The following CNTN3 variants were observed in gnomAD, a reference collection of about 807,000 sequenced individuals.
CNTN3 encodes contactin-3.
A neutral mutation model predicts 119.1 loss-of-function variants in CNTN3; 60 were observed. That is an observed-to-expected ratio of 0.50 (90% CI 0.41 to 0.62). The LOEUF (loss-of-function observed/expected upper bound fraction) is 0.62. Ranked by LOEUF, CNTN3 falls within the 20% of genes least tolerant of loss-of-function variation. The probability of loss-of-function intolerance (pLI) is 0.00; values close to 1 mark genes in which losing one functional copy is unlikely to be tolerated. For synonymous variants in CNTN3, 450 were observed against 438.7 expected, an observed-to-expected ratio of 1.03 and a Z score of -0.32; for missense variants, 1,101 against 1,242.4, an observed-to-expected ratio of 0.89 and a Z score of 1.71.
intron 4 of CNTN3, among the ~76,000 whole-genome samples, chr3:74,444,557 A>G (rs1702018864): frequency 7.1e-6 from 1 of 140,776 alleles, no homozygotes; most frequent in Non-Finnish European, 1.6e-5. Context: ...GTCATGACAT[A>G]ATTTTTTTTT....
chr3:74,274,599 A>G (rs1701845388), intron 20 of CNTN3, among the ~76,000 whole-genome samples: 1 of 152,100 alleles, frequency 6.6e-6, no homozygotes, highest in African/African-American at 2.4e-5. Context: ...CCATAGGAAA[A>G]GGGGGAGAGT....
chr3:74,365,272 T>G (rs190638112), intron 9 of CNTN3, among the ~76,000 whole-genome samples: 1 of 152,216 alleles, frequency 6.6e-6, no homozygotes, highest in African/African-American at 2.4e-5. Flanking sequence ...TTGATTAAAG[T>G]AAGGCCTTCT....
intron 13 of CNTN3, among the ~76,000 whole-genome samples, chr3:74,329,346 A>G (rs1353196773): frequency 2.6e-5 from 4 of 152,174 alleles, no homozygotes; most frequent in African/African-American, 9.6e-5. Flanking sequence ...TTTTATCCAC[A>G]AACATTCTAA....
intron 1 of CNTN3, among the ~76,000 whole-genome samples, chr3:74,580,984 G>T (rs1704495834): frequency 6.6e-6 from 1 of 152,100 alleles, no homozygotes; most frequent in African/African-American, 2.4e-5. Context: ...CTCCCAAAGT[G>T]CTGCTGGGAT....
intron 20 of CNTN3, among the ~76,000 whole-genome samples, chr3:74,276,063 T>C (rs1297524468): frequency 1.3e-5 from 2 of 152,094 alleles, no homozygotes; most frequent in African/African-American, 2.4e-5. Context: ...CATTATATAA[T>C]GGTAAAAGGC....
At chr3:74,368,867 A>G (rs1193784968) in intron 8 of CNTN3, among the ~76,000 whole-genome samples, 3 of 151,934 alleles carry the variant, frequency 2.0e-5, no homozygotes, top group African/African-American at 7.2e-5. Flanking sequence ...TCTAGAGGAG[A>G]AGACAGACAG....
In CNTN3 at chr3:74,369,326, GA is replaced by G; in HGVS notation, c.808del (p.Ser270ProfsTer6). 1 of 1,608,742 alleles carries G rather than the reference GA, an allele frequency of 6.2e-7. No homozygotes were observed. Among genetic ancestry groups the G allele is most frequent in the Admixed American group, 1.7e-5 (1 of 59,180 alleles). On this transcript the variant is annotated frameshift_variant, in exon 8 of 23. Transcript: ENST00000263665. LOFTEE classifies it high-confidence loss of function. ...NWRRSDGLPF[S>X]SKIKLRKFSG... ...GAACTTCCTTAATTTAATTTTGCTGGAAAATGGCAGCCCATCACTTCTTCTC... is the reference window on the plus strand; with the variant it reads ...GAACTTCCTTAATTTAATTTTGCTGGAAATGGCAGCCCATCACTTCTTCTC...
chr3:74,332,606 AG>A (rs1350435444), intron 13 of CNTN3, among the ~76,000 whole-genome samples: 1 of 152,222 alleles, frequency 6.6e-6, no homozygotes, highest in Non-Finnish European at 1.5e-5. Context: ...GCTCAGTCTT[AG>A]TGTTTCTTTG....
intron 1 of CNTN3, among the ~76,000 whole-genome samples, chr3:74,555,421 G>A (rs1237768910): frequency 6.6e-6 from 1 of 152,142 alleles, no homozygotes; most frequent in African/African-American, 2.4e-5. Flanking sequence ...GATGATGCTG[G>A]CCTCATAAAA....
At chr3:74,411,268 C>T (rs1014457180) in intron 5 of CNTN3, among the ~76,000 whole-genome samples, 2 of 152,042 alleles carry the variant, frequency 1.3e-5, no homozygotes, top group African/African-American at 4.8e-5. Flanking sequence ...AGCGTTTGTA[C>T]ACAAAGCTGC....
At chr3:74,320,045 T>C (rs1442004372) in intron 13 of CNTN3, among the ~76,000 whole-genome samples, 5 of 152,080 alleles carry the variant, frequency 3.3e-5, no homozygotes, top group Non-Finnish European at 5.9e-5. Flanking sequence ...TGTGGAGAAA[T>C]AGGAACACTT....
chr3:74,339,960 C>T (rs1703494250), intron 11 of CNTN3, among the ~76,000 whole-genome samples: 1 of 151,998 alleles, frequency 6.6e-6, no homozygotes, highest in South Asian at 2.1e-4. Flanking sequence ...TCCATATCTG[C>T]GGTTTCTGCA....
intron 1 of CNTN3, among the ~76,000 whole-genome samples, chr3:74,552,940 TC>T (rs1448632590): frequency 1.3e-5 from 2 of 152,176 alleles, no homozygotes; most frequent in Non-Finnish European, 2.9e-5. Context: ...CTCACTCCTT[TC>T]TTTTTTTAAT....
intron 19 of CNTN3, among the ~76,000 whole-genome samples, chr3:74,292,682 C>T (rs1015382736): frequency 2.6e-5 from 4 of 152,176 alleles, no homozygotes; most frequent in African/African-American, 9.7e-5. Flanking sequence ...TATTATTGTC[C>T]CCATTCTACA....
Position 74,298,186 on chromosome 3 carries a change from G to C in CNTN3, c.2172C>G (p.Val724=). 1.3e-6 allele frequency: 2 copies of C among 1,576,332 alleles called. No homozygotes were observed. The highest frequency in any genetic ancestry group is 1.7e-6 in the Non-Finnish European group (2 of 1,159,328). Residue 724 remains valine, a synonymous_variant, in exon 18 of 23, where the codon GTC becomes GTG. Transcript: ENST00000263665. Reference sequence around the variant, plus strand: ...CTTCACCATTCTGTAGTTCTTCAGGGACTGGCTATAAAGGAAAGACATACT... The same window carrying C: ...CTTCACCATTCTGTAGTTCTTCAGGCACTGGCTATAAAGGAAAGACATACT... ...RSELVITWDP[V]PEELQNGEGF... is the part of the protein sequence containing the mutation.
intron 1 of CNTN3, among the ~76,000 whole-genome samples, chr3:74,555,678 A>C (rs1378553478): frequency 3.9e-5 from 6 of 152,184 alleles, no homozygotes; most frequent in Middle Eastern, 3.2e-3. Context: ...CATGTCTTCT[A>C]GATTTTCTAG....
intron 4 of CNTN3, among the ~76,000 whole-genome samples, chr3:74,430,000 G>C (rs188806804): frequency 1.9e-4 from 29 of 152,326 alleles, no homozygotes; most frequent in African/African-American, 7.0e-4. Context: ...AAATCTTGGA[G>C]AGGATGTAAG....
chr3:74,469,573 T>C (rs1367402522), intron 4 of CNTN3, among the ~76,000 whole-genome samples: 1 of 152,162 alleles, frequency 6.6e-6, no homozygotes, highest in East Asian at 1.9e-4. Context: ...AGCAGGTATA[T>C]AGTTGGCCAG....
intron 5 of CNTN3, among the ~76,000 whole-genome samples, chr3:74,396,960 C>G (rs1262978359): frequency 6.6e-6 from 1 of 152,154 alleles, no homozygotes; most frequent in African/African-American, 2.4e-5. Context: ...AAACAGCAGA[C>G]AGCAGACTTT....
Sources: allele counts gnomAD v4.1 joint callset (sites outside exome capture counted in the v4.1 genomes callset), GRCh38; gene constraint gnomAD v4.1.1; transcripts MANE v1.5; gene names NCBI Gene and HGNC (gene_info 2026-07-23, HGNC 2026-07-21).